Variants in USP32 observed in about 807,000 individuals in gnomAD.
USP32 encodes ubiquitin carboxyl-terminal hydrolase 32.
Under a neutral mutation model 204.8 loss-of-function variants are expected in USP32, and 59 were observed. The ratio of observed to expected loss-of-function variants is 0.29; its 90% CI spans 0.23 to 0.36. The LOEUF is 0.36. Among genes scored for constraint, USP32 ranks in the 10% least tolerant of loss-of-function variants. USP32 has a pLI of 1.00. For synonymous variants in USP32, 517 were observed against 678.4 expected, an observed-to-expected ratio of 0.76 and a Z score of 3.70; for missense variants, 1,160 against 1,946.4, an observed-to-expected ratio of 0.60 and a Z score of 7.60.
chr17:60,183,459 G>C lies in USP32; in HGVS notation c.3835-6C>G, dbSNP rs568943744. The C allele has an allele frequency of 6.3e-7, 1 of 1,585,854 alleles. No homozygotes were observed. Among genetic ancestry groups the C allele is most frequent in the African/African-American group, 1.4e-5 (1 of 74,010 alleles). On this transcript the variant is annotated splice_region_variant and splice_polypyrimidine_tract_variant and intron_variant, in intron 30 of 33. Coordinates refer to ENST00000300896, the MANE Select transcript of USP32 (RefSeq NM_032582.4). Reference sequence around the variant, plus strand: ...AATCGCTTAAGGTGAATAATCTGGAGAAGTAAAGGTAGAAAACATCTGCAT... The same window carrying C: ...AATCGCTTAAGGTGAATAATCTGGACAAGTAAAGGTAGAAAACATCTGCAT...
chr17:60,391,674 A>G (rs1016293249), intron 1 of USP32, among the ~76,000 whole-genome samples: 2 of 152,050 alleles, frequency 1.3e-5, no homozygotes, highest in African/African-American at 4.8e-5. Flanking sequence ...CTCTCTCAGG[A>G]CAAGCCCCTT....
At chr17:60,285,103 AT>A (rs749138521) in intron 5 of USP32, among the ~76,000 whole-genome samples, 2 of 152,212 alleles carry the variant, frequency 1.3e-5, no homozygotes, top group Non-Finnish European at 2.9e-5. Context: ...ACAACAAGGC[AT>A]TTAAGGAAAG....
At chr17:60,394,299 G>C (rs2089884615), upstream of USP32, among the ~76,000 whole-genome samples, 2 of 152,140 alleles carry the variant, frequency 1.3e-5, no homozygotes, top group Non-Finnish European at 2.9e-5. Flanking sequence ...CTGTGAGGGA[G>C]AAAAACCCTC....
intron 1 of USP32, among the ~76,000 whole-genome samples, chr17:60,376,755 C>T (rs1192361747): frequency 6.6e-6 from 1 of 151,982 alleles, no homozygotes; most frequent in Non-Finnish European, 1.5e-5. Flanking sequence ...CTCCTGACTT[C>T]AAGTGATCCG....
chr17:60,253,534 G>A (rs770342074), intron 10 of USP32, among the ~76,000 whole-genome samples: 7 of 152,100 alleles, frequency 4.6e-5, no homozygotes, highest in Non-Finnish European at 8.8e-5. Flanking sequence ...GGGAGGCTGA[G>A]GCGGGCAGAT....
chr17:60,374,724 G>T (rs868417584), intron 1 of USP32, among the ~76,000 whole-genome samples: 1 of 152,062 alleles, frequency 6.6e-6, no homozygotes, highest in African/African-American at 2.4e-5. Flanking sequence ...ATGATTAAAG[G>T]TATAGTATAG....
At chr17:60,297,581 T>C (rs546420784) in intron 3 of USP32, among the ~76,000 whole-genome samples, 2 of 152,030 alleles carry the variant, frequency 1.3e-5, no homozygotes, top group South Asian at 4.2e-4. Flanking sequence ...CCCTAGTAGC[T>C]GGGATTACAG....
intron 2 of USP32, among the ~76,000 whole-genome samples, chr17:60,324,395 CTA>C (rs1393489801): frequency 1.3e-5 from 2 of 151,910 alleles, no homozygotes; most frequent in Admixed American, 1.3e-4. Flanking sequence ...TCGAAAAAGA[CTA>C]TCTCAGTGTC....
At chr17:60,324,164 C>A (rs1303971127) in intron 2 of USP32, among the ~76,000 whole-genome samples, 1 of 151,924 alleles carries the variant, frequency 6.6e-6, no homozygotes, top group African/African-American at 2.4e-5. Flanking sequence ...CACTTGTGGT[C>A]CCAGCTACTT....
At position 60,194,409 on chromosome 17, in the gene USP32, A is replaced by G. The variant is rs183623335; in HGVS notation, c.3435-1479T>C. 9.9e-5 allele frequency among the ~76,000 whole-genome samples: 15 copies of G among 152,248 alleles called. No homozygotes were observed. The East Asian group carries it at 2.9e-3, about 29-fold the overall frequency. ...TAAAATAGATCTCTTCCTTACTCCT[A>G]TGCCACTTGTGCATGATTTCTTCTT... On this transcript the variant is annotated intron_variant, in intron 27 of 33. Coordinates refer to ENST00000300896, the MANE Select transcript of USP32 (RefSeq NM_032582.4).
rs72843531 is a variant in USP32, at chr17:60,278,754, T to C, written c.572-7273A>G. On this transcript the variant is annotated intron_variant, in intron 5 of 33. Transcript: ENST00000300896. ...AATAGCAGGCATTTCAGTCACAACG[T>C]AGACATTTCAAAGAGAAGATGACTT... 4.5e-3 allele frequency among the ~76,000 whole-genome samples: 688 copies of C among 152,282 alleles called. 3 individuals are homozygous for C. The highest frequency in any genetic ancestry group is 6.9e-3 in the Admixed American group (106 of 15,300).
At chr17:60,222,031 A>G (rs761324016) in intron 15 of USP32, among the ~76,000 whole-genome samples, 1 of 152,146 alleles carries the variant, frequency 6.6e-6, no homozygotes, top group Non-Finnish European at 1.5e-5. Flanking sequence ...GAAGAATCCA[A>G]TCCCTAACTA....
chr17:60,302,372 C>T (rs2087605703), intron 2 of USP32, among the ~76,000 whole-genome samples: 1 of 152,142 alleles, frequency 6.6e-6, no homozygotes, highest in African/African-American at 2.4e-5. Flanking sequence ...GTCTCGAACT[C>T]CTGGCCTCAA....
intron 2 of USP32, among the ~76,000 whole-genome samples, chr17:60,324,794 G>A (rs2088192926): frequency 2.6e-5 from 4 of 152,060 alleles, no homozygotes; most frequent in Admixed American, 2.6e-4. Flanking sequence ...TCTGAGGTCG[G>A]GAGTTCGAGA....
chr17:60,293,275 T>G (rs1215686357), intron 4 of USP32, among the ~76,000 whole-genome samples: 1 of 152,190 alleles, frequency 6.6e-6, no homozygotes, highest in African/African-American at 2.4e-5. Context: ...AAAATGAGAA[T>G]GTCTGCATAA....
chr17:60,182,657 G>A (rs1183600524), intron 31 of USP32, among the ~76,000 whole-genome samples: 1 of 152,110 alleles, frequency 6.6e-6, no homozygotes, highest in Non-Finnish European at 1.5e-5. Context: ...CAGCTACTCA[G>A]GAGGCTGAGG....
chr17:60,252,076 A>G (rs2086184170), intron 11 of USP32, among the ~76,000 whole-genome samples: 1 of 151,964 alleles, frequency 6.6e-6, no homozygotes, highest in African/African-American at 2.4e-5. Context: ...GTTTAGCTCT[A>G]TTTTCTAATT....
chr17:60,206,843 G>A (rs2084840462), intron 25 of USP32, among the ~76,000 whole-genome samples, 178 bp downstream of exon 25: 1 of 152,208 alleles, frequency 6.6e-6, no homozygotes, highest in Non-Finnish European at 1.5e-5. Flanking sequence ...AGTCACTTGG[G>A]TTCTCTAAAT....
chr17:60,183,496 G>A (rs746584316), intron 30 of USP32, 43 bp from the exon 31 acceptor site: 1 of 1,523,468 alleles, frequency 6.6e-7, no homozygotes, highest in Admixed American at 2.2e-5. Flanking sequence ...AAAGGGTTCT[G>A]AAGATACAAA....
Sources: allele counts gnomAD v4.1 joint callset (sites outside exome capture counted in the v4.1 genomes callset), GRCh38; gene constraint gnomAD v4.1.1; transcripts MANE v1.5; gene names NCBI Gene and HGNC (gene_info 2026-07-23, HGNC 2026-07-21).